The following CHP1 variants were observed in gnomAD, a reference collection of about 807,000 sequenced individuals.
CHP1 encodes calcineurin B homologous protein 1.
In CHP1, 11 loss-of-function variants were observed where a neutral mutation model predicts 27.4. The observed-to-expected ratio is 0.40, with a 90% CI of 0.25 to 0.67. CHP1 has a LOEUF of 0.67. CHP1 is among the 30% of genes least tolerant of loss of function. The pLI, the probability that CHP1 is intolerant of heterozygous loss-of-function variation, is 0.38. For missense variants in CHP1, 169 were observed against 251.3 expected, an observed-to-expected ratio of 0.67 and a Z score of 2.22; for synonymous variants, 89 against 87.4, an observed-to-expected ratio of 1.02 and a Z score of -0.10.
intron 2 of CHP1, among the ~76,000 whole-genome samples, chr15:41,244,831 T>TA (rs2047325604): frequency 6.6e-6 from 1 of 152,200 alleles, no homozygotes; most frequent in Non-Finnish European, 1.5e-5. Flanking sequence ...TAACTCTCAG[T>TA]AGCAACCTTT....
chr15:41,244,326 G>T (rs975972485), intron 2 of CHP1, among the ~76,000 whole-genome samples: 2 of 151,944 alleles, frequency 1.3e-5, no homozygotes, highest in African/African-American at 4.8e-5. Flanking sequence ...TAAGATTTCA[G>T]CTCTCTCTGC....
At chr15:41,273,813 C>T (rs1398478753) in intron 5 of CHP1, among the ~76,000 whole-genome samples, 1 of 151,432 alleles carries the variant, frequency 6.6e-6, no homozygotes, top group Non-Finnish European at 1.5e-5. Flanking sequence ...TGGTGTTTCA[C>T]TCCTGTAATT....
Position 41,256,990 on chromosome 15 carries a change from GGTGA to G in CHP1, c.221+3_221+6del, listed in dbSNP as rs1239049311. On this transcript the variant is annotated splice_donor_variant and splice_donor_region_variant and intron_variant, in intron 3 of 6. Transcript: ENST00000334660. LOFTEE classifies it high-confidence loss of function. ...ATCATCAATGCCTTCTTTCCAGAGG[GGTGA>G]GTCAGTACAGTTGTTGGACTTCCTT... 1 of 1,612,700 alleles carries G rather than the reference GGTGA, an allele frequency of 6.2e-7. No homozygotes were observed. Among genetic ancestry groups the G allele is most frequent in the South Asian group, 1.1e-5 (1 of 91,032 alleles).
intron 1 of CHP1, among the ~76,000 whole-genome samples, chr15:41,238,365 T>A (rs995734007): frequency 1.1e-4 from 16 of 152,008 alleles, no homozygotes; most frequent in African/African-American, 3.9e-4. Context: ...CTTGCTTTGT[T>A]GCCCAGGCTA....
chr15:41,234,790 A>G (rs1020458203), intron 1 of CHP1, among the ~76,000 whole-genome samples: 3 of 152,188 alleles, frequency 2.0e-5, no homozygotes, highest in Non-Finnish European at 4.4e-5. Flanking sequence ...TGTGAGTGTT[A>G]TTATTTTGAA....
intron 2 of CHP1, among the ~76,000 whole-genome samples, chr15:41,250,776 T>A (rs1048843515): frequency 6.6e-6 from 1 of 150,826 alleles, no homozygotes; most frequent in Admixed American, 6.6e-5. Context: ...CAATAAGATA[T>A]ATATAGATGA....
chr15:41,252,986 T>C (rs1244408475), intron 2 of CHP1, among the ~76,000 whole-genome samples: 1 of 122,788 alleles, frequency 8.1e-6, no homozygotes, highest in African/African-American at 3.0e-5. Flanking sequence ...GTCACCAGGC[T>C]GGAGTGCAGT....
At chr15:41,236,717 G>C (rs2047278800) in intron 1 of CHP1, among the ~76,000 whole-genome samples, 1 of 152,076 alleles carries the variant, frequency 6.6e-6, no homozygotes, top group Non-Finnish European at 1.5e-5. Context: ...GCAGGTATTG[G>C]AACTCTTTAC....
chr15:41,231,493 G>A, intron 1 of CHP1, 44 bp downstream of exon 1: 4 of 1,563,576 alleles, frequency 2.6e-6, no homozygotes, highest in Non-Finnish European at 3.5e-6. Flanking sequence ...CCTCAGGCTG[G>A]CCTCACAACC....
At chr15:41,278,209 T>G (rs2047528899) in intron 5 of CHP1, among the ~76,000 whole-genome samples, 2 of 151,374 alleles carry the variant, frequency 1.3e-5, no homozygotes, top group Non-Finnish European at 2.9e-5. Context: ...GGCAGGCGCC[T>G]GTAATCCTAG....
At chr15:41,268,613 G>A (rs926686336) in intron 4 of CHP1, among the ~76,000 whole-genome samples, 2 of 150,164 alleles carry the variant, frequency 1.3e-5, no homozygotes, top group African/African-American at 4.9e-5. Context: ...CTGCACTCCA[G>A]CCTGGGCGAC....
intron 1 of CHP1, among the ~76,000 whole-genome samples, chr15:41,242,755 T>C (rs572617734): frequency 5.2e-3 from 755 of 144,136 alleles, no homozygotes; most frequent in Non-Finnish European, 8.2e-3. Flanking sequence ...ACCATCCTGG[T>C]CAACATGGCA....
intron 2 of CHP1, among the ~76,000 whole-genome samples, chr15:41,247,939 A>C (rs1433926636): frequency 6.6e-6 from 1 of 152,108 alleles, no homozygotes; most frequent in Non-Finnish European, 1.5e-5. Context: ...ACCATACTCC[A>C]GCCTGGGCGA....
At chr15:41,245,903 C>T (rs763904957) in intron 2 of CHP1, among the ~76,000 whole-genome samples, 1 of 152,076 alleles carries the variant, frequency 6.6e-6, no homozygotes, top group Non-Finnish European at 1.5e-5. Flanking sequence ...AAAGGCTTAT[C>T]CTATATCTTC....
chr15:41,278,772 A>G lies in CHP1; in HGVS notation c.417A>G (p.Leu139=), dbSNP rs748951816. Residue 139 remains leucine (L), a synonymous_variant, in exon 6 of 7, where the codon CTA becomes CTG. Coordinates refer to ENST00000334660, the MANE Select transcript of CHP1 (RefSeq NM_007236.5). ...KISRDELLQV[L]RMMVGVNISD... is the part of the protein sequence containing the mutation. ...CCTGGCTCTTGGTCTTCCAGGTGCT[A>G]CGCATGATGGTCGGAGTAAATATCT... 3.7e-6 allele frequency: 6 copies of G among 1,614,000 alleles called. No individual in the cohort carries two copies. The highest frequency in any genetic ancestry group is 1.7e-5 in the Admixed American group (1 of 59,994).
At position 41,279,395 on chromosome 15, in the gene CHP1, A is replaced by C. The variant is rs749581239; in HGVS notation, c.*6A>C. On this transcript the variant is annotated 3_prime_UTR_variant, in exon 7 of 7. Coordinates refer to ENST00000334660, the MANE Select transcript of CHP1 (RefSeq NM_007236.5). The stretch of plus-strand genomic sequence containing the variant: ...GCATCCGATTTCTTCACTAAAGGAG[A>C]CCAAACTGTTCCTTGCGGTCTAGTA... The C allele has an allele frequency of 6.2e-7, 1 of 1,611,730 alleles. No homozygotes were observed. The highest frequency in any genetic ancestry group is 8.5e-7 in the Non-Finnish European group (1 of 1,179,162).
chr15:41,251,136 GGAT>G (rs1005914568), intron 2 of CHP1, among the ~76,000 whole-genome samples: 1 of 151,998 alleles, frequency 6.6e-6, no homozygotes, highest in Admixed American at 6.6e-5. Context: ...CTGGCCCAGA[GGAT>G]GTTTTTAAAG....
intron 4 of CHP1, among the ~76,000 whole-genome samples, chr15:41,270,269 G>C (rs186953384): frequency 2.5e-4 from 38 of 152,106 alleles, no homozygotes; most frequent in South Asian, 8.3e-4. Flanking sequence ...AGTGTTTTGG[G>C]GGGGGGCGTT....
chr15:41,275,116 T>C lies in CHP1; in HGVS notation c.412-3651T>C, dbSNP rs371200385. On this transcript the variant is annotated intron_variant, in intron 5 of 6. Transcript: ENST00000334660. The stretch of plus-strand genomic sequence containing the variant: ...TGTCTCTTTTTATTAATTCTTCTAT[T>C]GGGGTACATTTGTACCTAAAATGTA... Among the ~76,000 whole-genome samples the C allele has an allele frequency of 1.2e-4, 18 of 152,164 alleles. No individual in the cohort carries two copies. The South Asian group carries it at 2.1e-3, about 18-fold the overall frequency.
Sources: allele counts gnomAD v4.1 joint callset (sites outside exome capture counted in the v4.1 genomes callset), GRCh38; gene constraint gnomAD v4.1.1; transcripts MANE v1.5; gene names NCBI Gene and HGNC (gene_info 2026-07-23, HGNC 2026-07-21).